Variants in CR1L observed in about 807,000 individuals in gnomAD.
CR1L encodes complement C3b/C4b receptor 1 like.
In CR1L, 59 loss-of-function variants were observed where a neutral mutation model predicts 62.3. The ratio of observed to expected loss-of-function variants is 0.95; its 90% confidence interval spans 0.77 to 1.18. The LOEUF is 1.18. Ranked by LOEUF, CR1L falls within the 50% of genes most tolerant of loss-of-function variation. The probability of loss-of-function intolerance (pLI) is 0.00; values close to 1 mark genes in which losing one functional copy is unlikely to be tolerated. For missense variants in CR1L, 700 were observed against 702.8 expected (o/e 1.00, Z 0.04); for synonymous variants, 279 against 248.7 (o/e 1.12, Z -1.15).
chr1:207,662,352 A>G (rs1270315115), intron 1 of CR1L, among the ~76,000 whole-genome samples: 1 of 152,008 alleles, frequency 6.6e-6, no homozygotes, highest in East Asian at 1.9e-4. Flanking sequence ...ATTTCTTTTT[A>G]TTCTTTTTTC....
intron 1 of CR1L, among the ~76,000 whole-genome samples, chr1:207,647,492 C>T (rs905204944): frequency 3.9e-5 from 6 of 152,240 alleles, no homozygotes; most frequent in Non-Finnish European, 8.8e-5. Flanking sequence ...TTTCTGTTCT[C>T]TGTCTCTCCC....
intron 1 of CR1L, among the ~76,000 whole-genome samples, chr1:207,656,562 G>A (rs1202329037): frequency 6.6e-6 from 1 of 152,140 alleles, no homozygotes; most frequent in Non-Finnish European, 1.5e-5. Context: ...GATTCTACAA[G>A]CTGTACAGGA....
intron 1 of CR1L, chr1:207,652,442 G>A (rs1474022229): frequency 1.6e-5 from 11 of 707,900 alleles, no homozygotes; most frequent in Non-Finnish European, 2.8e-5. Flanking sequence ...ATCTTGCCAA[G>A]GGCCTTCCTA....
At chr1:207,701,855 G>A (rs1415337109) in intron 9 of CR1L, 28 of 671,970 alleles carry the variant, frequency 4.2e-5, no homozygotes, top group Admixed American at 6.8e-5. Context: ...TGGATGGGAA[G>A]GAAAAAAAAT....
chr1:207,665,123 G>A (rs866529851), intron 1 of CR1L, among the ~76,000 whole-genome samples: 10 of 151,960 alleles, frequency 6.6e-5, no homozygotes, highest in African/African-American at 2.2e-4. Context: ...GCATGATCTC[G>A]GCTCACTGCA....
chr1:207,701,755 A>G (rs1446687768), intron 9 of CR1L, 137 bp downstream of exon 9: 1 of 1,164,258 alleles, frequency 8.6e-7, no homozygotes, highest in Admixed American at 2.0e-5. Context: ...CTCCTGATTG[A>G]AATGAACAAA....
chr1:207,715,411 A>G, intron 10 of CR1L: 1 of 1,536,262 alleles, frequency 6.5e-7, no homozygotes, highest in Non-Finnish European at 9.0e-7. Flanking sequence ...AGTAGAAAGA[A>G]CTACGTAGTT....
intron 1 of CR1L, among the ~76,000 whole-genome samples, chr1:207,650,125 T>C (rs897765649): frequency 6.6e-6 from 1 of 152,036 alleles, no homozygotes; most frequent in African/African-American, 2.4e-5. Flanking sequence ...GGCAATTGAA[T>C]ATGTAGTTTT....
chr1:207,714,800 A>T (rs1018735876), intron 10 of CR1L, among the ~76,000 whole-genome samples: 1 of 152,062 alleles, frequency 6.6e-6, no homozygotes, highest in Admixed American at 6.5e-5. Context: ...TTTTCTTAGA[A>T]CACATGGTTC....
At chr1:207,645,378 T>G in intron 1 of CR1L, 48 bp downstream of exon 1, 1 of 1,594,600 alleles carries the variant, frequency 6.3e-7, no homozygotes, top group Non-Finnish European at 8.6e-7. Context: ...GCTAGAGCTC[T>G]GCTCAGTCAG....
At chr1:207,669,648 C>A in intron 1 of CR1L, 3 of 779,484 alleles carry the variant, frequency 3.8e-6, no homozygotes, top group Non-Finnish European at 5.9e-6. Context: ...CCGCGCTGGG[C>A]TGCGCTGCTC....
intron 1 of CR1L, chr1:207,669,072 A>G (rs1367251740): frequency 8.6e-6 from 2 of 233,080 alleles, no homozygotes; most frequent in Non-Finnish European, 1.7e-5. Context: ...ACATTCTTGC[A>G]AAGAGGAAAA....
chr1:207,646,990 C>T (rs1663137587), intron 1 of CR1L, among the ~76,000 whole-genome samples: 1 of 150,630 alleles, frequency 6.6e-6, no homozygotes, highest in East Asian at 1.9e-4. Flanking sequence ...CAGACAATTC[C>T]TATTTTCTTT....
At chr1:207,692,017 T>A (rs1412612676) in intron 4 of CR1L, among the ~76,000 whole-genome samples, 1 of 152,196 alleles carries the variant, frequency 6.6e-6, no homozygotes, top group Non-Finnish European at 1.5e-5. Context: ...AACAGCCCGA[T>A]TGGTTATAGC....
intron 1 of CR1L, chr1:207,669,587 G>T: frequency 1.4e-6 from 2 of 1,408,696 alleles, no homozygotes; most frequent in Non-Finnish European, 1.9e-6. Flanking sequence ...GGGGGCGTGG[G>T]GAGGCGCCCG....
At chr1:207,718,480 G>A (rs1436858763) in intron 11 of CR1L, among the ~76,000 whole-genome samples, 1 of 152,164 alleles carries the variant, frequency 6.6e-6, no homozygotes, top group African/African-American at 2.4e-5. Context: ...GGAGTGTAAT[G>A]GCACAAACTC....
chr1:207,674,233 G>A (rs547695406), intron 1 of CR1L, among the ~76,000 whole-genome samples: 2 of 152,198 alleles, frequency 1.3e-5, no homozygotes, highest in African/African-American at 2.4e-5. Flanking sequence ...GGAACTGTGT[G>A]GGGTGAAGGG....
At chr1:207,655,943 T>C (rs1232591328) in intron 1 of CR1L, among the ~76,000 whole-genome samples, 2 of 151,980 alleles carry the variant, frequency 1.3e-5, no homozygotes, top group Non-Finnish European at 2.9e-5. Context: ...TTGGAAAATA[T>C]CACTATACAC....
chr1:207,666,936 A>T (rs1249644745), intron 1 of CR1L, among the ~76,000 whole-genome samples: 2 of 152,194 alleles, frequency 1.3e-5, no homozygotes, highest in Admixed American at 6.5e-5. Flanking sequence ...GCCCCTCTTC[A>T]ACAGTCTCAT....
Sources: gnomAD v4.1 joint callset for allele counts (sites outside exome capture counted in the v4.1 genomes callset) on GRCh38, gnomAD v4.1.1 for gene constraint, MANE v1.5 for transcripts, NCBI Gene and HGNC (gene_info 2026-07-23, HGNC 2026-07-21) for gene names.